The following RBM44 variants were observed in gnomAD, a reference collection of about 807,000 sequenced individuals.
RBM44 encodes RNA binding motif protein 44.
A neutral mutation model predicts 105.1 loss-of-function variants in RBM44; 66 were observed. The observed-to-expected ratio is 0.63, with a 90% CI of 0.52 to 0.77. RBM44 has a LOEUF of 0.77. Ranked by LOEUF, RBM44 falls within the 30% of genes least tolerant of loss-of-function variation. The pLI, the probability that RBM44 is intolerant of heterozygous loss-of-function variation, is 0.00. For synonymous variants in RBM44, 365 were observed against 417.6 expected (o/e 0.87, Z 1.54); for missense variants, 1,122 against 1,207.8 (o/e 0.93, Z 1.05).
intron 9 of RBM44, among the ~76,000 whole-genome samples, chr2:237,824,041 G>A (rs2061821815): frequency 6.6e-6 from 1 of 152,160 alleles, no homozygotes; most frequent in African/African-American, 2.4e-5. Context: ...CGGGAATAGT[G>A]TTTTAATTAA....
In RBM44 at chr2:237,821,125, T is replaced by C. The variant is rs1464175310; in HGVS notation, c.1968T>C (p.Leu656=). 1.2e-6 allele frequency: 2 copies of C among 1,610,552 alleles called. No individual in the cohort carries two copies. Among genetic ancestry groups the C allele is most frequent in the East Asian group, 2.2e-5 (1 of 44,844 alleles). Residue 656 remains leucine, a synonymous_variant, in exon 6 of 16, where the codon CTT becomes CTC. Coordinates refer to ENST00000316997, the MANE Select transcript of RBM44 (RefSeq NM_001080504.3). The part of the protein sequence containing the change: ...KKELGSALLS[L]LGDLKVRYVT... ...AATTGGGATCAGCACTACTGTCTCTTTTGGGGGACTTAAAAGTTAGATATG... is the reference window on the plus strand; with the variant it reads ...AATTGGGATCAGCACTACTGTCTCTCTTGGGGGACTTAAAAGTTAGATATG...
Position 237,817,541 on chromosome 2 carries a change from G to A in RBM44, c.622G>A (p.Ala208Thr), listed in dbSNP as rs374539550. The A allele has an allele frequency of 1.2e-6, 2 of 1,611,396 alleles. No individual in the cohort carries two copies. The highest frequency in any genetic ancestry group is 1.7e-6 in the Non-Finnish European group (2 of 1,178,622). Residue 208 changes from alanine to threonine, a missense_variant, in exon 3 of 16, where the codon GCA (alanine) becomes ACA (threonine). Ala to Thr is a moderately conservative substitution (Grantham distance 58). This residue lies in a region of RBM44 where 918 missense variants were observed against 955.3 expected (regional missense o/e 0.96). Transcript: ENST00000316997. The stretch of plus-strand genomic sequence containing the variant: ...CCATTTATCTTTTGACCAAACAAAA[G>A]CATTAGATATATCTAATCCAGAAGT... ...SNHLSFDQTK[A>T]LDISNPEVVE...
intron 1 of RBM44, among the ~76,000 whole-genome samples, chr2:237,809,947 TAAAA>T (rs1442239620): frequency 6.6e-6 from 1 of 151,930 alleles, no homozygotes; most frequent in African/African-American, 2.4e-5. Flanking sequence ...CAAAACAAAA[TAAAA>T]AAACCTTTTT....
chr2:237,838,382 GA>G (rs1437424538), intron 15 of RBM44, among the ~76,000 whole-genome samples: 1 of 152,132 alleles, frequency 6.6e-6, no homozygotes, highest in African/African-American at 2.4e-5. Flanking sequence ...CTACTCTAAA[GA>G]AAATACCAGA....
chr2:237,820,247 C>T lies in RBM44; in HGVS notation c.1809C>T (p.Ala603=), dbSNP rs776952828. 3 of 1,594,448 alleles carry T rather than the reference C, an allele frequency of 1.9e-6. No homozygotes were observed. Among genetic ancestry groups the T allele is most frequent in the Non-Finnish European group, 2.6e-6 (3 of 1,168,344 alleles). Residue 603 remains alanine (A), a synonymous_variant, in exon 5 of 16, where the codon GCC becomes GCT. Coordinates refer to ENST00000316997, the MANE Select transcript of RBM44 (RefSeq NM_001080504.3). ...GCTGTCAGAAGATAATGCAGAGAGC[C>T]ATAAAAGCAGAGCTGCACCTTTTAA... ...SMCCQKIMQR[A]IKAELHLLNV...
chr2:237,827,086 C>T (rs1359177907), intron 10 of RBM44, among the ~76,000 whole-genome samples, 164 bp from the exon 11 acceptor site: 1 of 152,160 alleles, frequency 6.6e-6, no homozygotes, highest in African/African-American at 2.4e-5. Flanking sequence ...AACTATATTG[C>T]AGGCTCTTAG....
At chr2:237,832,297 G>C (rs1167005160) in intron 13 of RBM44, among the ~76,000 whole-genome samples, 2 of 151,970 alleles carry the variant, frequency 1.3e-5, no homozygotes, top group Admixed American at 1.3e-4. Context: ...TGGGACTGCA[G>C]GTGTGTCATC....
rs567841735 is a variant in RBM44 at position 237,819,286 on chromosome 2, T to A, written c.1736+327T>A. Among the ~76,000 whole-genome samples the A allele has an allele frequency of 2.0e-5, 3 of 152,212 alleles. No individual in the cohort carries two copies. In the South Asian group the frequency reaches 6.2e-4, roughly 32 times the overall value. ...AGAACAAACTAGCACCTTTGGAATA[T>A]GTCATTTATTTGGAGAAGTAAATAG... is the stretch of plus-strand genomic sequence containing the variant. On this transcript the variant is annotated intron_variant, in intron 4 of 15. Coordinates refer to ENST00000316997, the MANE Select transcript of RBM44 (RefSeq NM_001080504.3).
chr2:237,832,202 T>G (rs1208712386), intron 13 of RBM44, among the ~76,000 whole-genome samples: 1 of 151,700 alleles, frequency 6.6e-6, no homozygotes, highest in Non-Finnish European at 1.5e-5. Flanking sequence ...TCACCCAGGC[T>G]GGGGTGCAGT....
chr2:237,837,104 C>T (rs1000789235), intron 15 of RBM44, among the ~76,000 whole-genome samples: 1 of 152,160 alleles, frequency 6.6e-6, no homozygotes, highest in Non-Finnish European at 1.5e-5. Flanking sequence ...CTTTTAAGCT[C>T]ACCATTGAGA....
chr2:237,817,805 G>A lies in RBM44; in HGVS notation c.886G>A (p.Gly296Ser). ...TNSMYHTVFD[G>S]SVLRSNSPGN... ...TTCAATGTACCACACTGTATTTGAT[G>A]GCAGTGTACTAAGAAGCAATTCTCC... Residue 296 changes from glycine to serine, a missense_variant, in exon 3 of 16, where the codon GGC becomes AGC. By Grantham distance (56) the Gly-to-Ser change is moderately conservative (BLOSUM62 0). Transcript: ENST00000316997. The A allele has an allele frequency of 6.2e-7, 1 of 1,611,088 alleles. No individual in the cohort carries two copies. Among genetic ancestry groups the A allele is most frequent in the Non-Finnish European group, 8.5e-7 (1 of 1,178,132 alleles).
intron 4 of RBM44, among the ~76,000 whole-genome samples, chr2:237,819,582 A>T (rs189197812): frequency 5.7e-4 from 87 of 152,188 alleles, no homozygotes; most frequent in African/African-American, 1.6e-3. Context: ...ACCATTGAGA[A>T]TAGCTAGAAG....
chr2:237,819,983 A>G (rs1463274932), intron 4 of RBM44, among the ~76,000 whole-genome samples, 192 bp from the exon 5 acceptor site: 4 of 152,028 alleles, frequency 2.6e-5, no homozygotes, highest in African/African-American at 4.8e-5. Context: ...GGACCTCTAG[A>G]ATGAATATAT....
At chr2:237,811,000 A>G (rs566148946) in intron 1 of RBM44, among the ~76,000 whole-genome samples, 2 of 152,240 alleles carry the variant, frequency 1.3e-5, no homozygotes, top group East Asian at 3.9e-4. Context: ...CATTGTCTAT[A>G]AAGTGGCCAG....
At chr2:237,831,757 C>T (rs2061905288) in intron 13 of RBM44, among the ~76,000 whole-genome samples, 1 of 152,240 alleles carries the variant, frequency 6.6e-6, no homozygotes, top group African/African-American at 2.4e-5. Context: ...CTGCCTTCCT[C>T]TTTACTACTT....
In RBM44 at chr2:237,817,331, C is replaced by T; in HGVS notation, c.412C>T (p.Gln138Ter). 1 of 1,601,674 alleles carries T rather than the reference C, an allele frequency of 6.2e-7. No homozygotes were observed. The highest frequency in any genetic ancestry group is 1.3e-5 in the African/African-American group (1 of 74,074). Residue 138 changes from glutamine (Q) to a stop codon, truncating the protein, a stop_gained, in exon 3 of 16, where the codon CAG becomes TAG. Coordinates refer to ENST00000316997, the MANE Select transcript of RBM44 (RefSeq NM_001080504.3). LOFTEE classifies it high-confidence loss of function. ...AAGTTCAGAATTAGATCCTGAAGTG[C>T]AGAAAAAAGAGGAGGTTTTTTTTAA... is the stretch of plus-strand genomic sequence containing the variant. ...PLSSELDPEV[Q>*]KKEEVFFNIL...
chr2:237,826,367 C>T (rs146860136), intron 10 of RBM44, among the ~76,000 whole-genome samples: 84 of 152,068 alleles, frequency 5.5e-4, no homozygotes, highest in Admixed American at 1.4e-3. Flanking sequence ...ACTATGAAAA[C>T]GTACTCTTAA....
intron 13 of RBM44, 104 bp downstream of exon 13, chr2:237,829,606 G>A: frequency 9.9e-7 from 1 of 1,006,166 alleles, no homozygotes; most frequent in Admixed American, 2.4e-5. Context: ...AAATGGGAAT[G>A]ACAGCATTAA....
At chr2:237,838,128 G>A (rs945732214) in intron 15 of RBM44, among the ~76,000 whole-genome samples, 2 of 152,102 alleles carry the variant, frequency 1.3e-5, no homozygotes, top group African/African-American at 2.4e-5. Flanking sequence ...CATGACATGA[G>A]TACATCAGAG....
Sources: gnomAD v4.1 joint callset for allele counts (sites outside exome capture counted in the v4.1 genomes callset) on GRCh38, gnomAD v4.1.1 for gene constraint, gnomAD v4.1.1 regional missense constraint, MANE v1.5 for transcripts, NCBI Gene and HGNC (gene_info 2026-07-23, HGNC 2026-07-21) for gene names.